Variants in ROBO2 observed in about 807,000 individuals in gnomAD.
ROBO2 encodes roundabout homolog 2.
In ROBO2, 53 loss-of-function variants were observed where a neutral mutation model predicts 160.8. That is an observed-to-expected ratio of 0.33 (90% confidence interval 0.26 to 0.41). The LOEUF (loss-of-function observed/expected upper bound fraction) is 0.41. Among genes scored for constraint, ROBO2 ranks in the 10% least tolerant of loss-of-function variants. The pLI is 1.00. For synonymous variants in ROBO2, 664 were observed against 611.7 expected (o/e 1.09, Z -1.26); for missense variants, 1,577 against 1,722.4 (o/e 0.92, Z 1.49).
intron 2 of ROBO2, among the ~76,000 whole-genome samples, chr3:76,125,967 C>T (rs1161247116): frequency 6.6e-6 from 1 of 152,060 alleles, no homozygotes; most frequent in Admixed American, 6.6e-5. Flanking sequence ...GCTGGGATGA[C>T]AGGCGCGTGC....
At chr3:76,379,968 G>A (rs2076536037) in intron 2 of ROBO2, among the ~76,000 whole-genome samples, 1 of 151,860 alleles carries the variant, frequency 6.6e-6, no homozygotes, top group South Asian at 2.1e-4. Flanking sequence ...TCATTTATGT[G>A]ACTTGCTTGA....
rs185751842 is a variant in ROBO2 at position 76,449,415 on chromosome 3, A to G, written c.109+511813A>G. ...AGCTTTCTAATGGGAAAGAGATGCT[A>G]ATCATGGGTGAATGTAAAGAAATAT... On this transcript the variant is annotated intron_variant, in intron 2 of 26. Transcript: ENST00000487694. 2.6e-3 allele frequency among the ~76,000 whole-genome samples: 403 copies of G among 152,194 alleles called. 1 individual carries two copies. The highest frequency in any genetic ancestry group is 9.5e-3 in the African/African-American group (396 of 41,528).
At chr3:76,941,275 A>T (rs2078169397) in intron 2 of ROBO2, among the ~76,000 whole-genome samples, 1 of 152,134 alleles carries the variant, frequency 6.6e-6, no homozygotes, top group Admixed American at 6.5e-5. Flanking sequence ...GTCCACTTGT[A>T]ATATTTTATT....
At chr3:77,058,448 G>T (rs1418829697) in intron 1 of ROBO2, among the ~76,000 whole-genome samples, 1 of 152,112 alleles carries the variant, frequency 6.6e-6, no homozygotes, top group African/African-American at 2.4e-5. Flanking sequence ...AAGATCTCAA[G>T]TGATATTTTC....
At chr3:76,862,537 G>C (rs1436682474) in intron 2 of ROBO2, among the ~76,000 whole-genome samples, 1 of 152,088 alleles carries the variant, frequency 6.6e-6, no homozygotes, top group Non-Finnish European at 1.5e-5. Flanking sequence ...GGACAAAGGG[G>C]TTATGATCTA....
At chr3:76,543,638 G>A (rs1025068084) in intron 2 of ROBO2, among the ~76,000 whole-genome samples, 4 of 151,932 alleles carry the variant, frequency 2.6e-5, no homozygotes, top group Admixed American at 1.3e-4. Flanking sequence ...CTGTGACCAC[G>A]GTTTTGATGT....
intron 2 of ROBO2, among the ~76,000 whole-genome samples, chr3:76,067,193 G>C (rs2068282820): frequency 6.6e-6 from 1 of 152,076 alleles, no homozygotes; most frequent in African/African-American, 2.4e-5. Flanking sequence ...CCAGTTATCT[G>C]ATTTTTCTAA....
At chr3:76,735,476 T>C (rs2324660) in intron 2 of ROBO2, among the ~76,000 whole-genome samples, 99,045 of 151,950 alleles carry the variant, frequency 0.65, 32,438 homozygotes, top group African/African-American at 0.72. Flanking sequence ...TAAAAACCTG[T>C]TGGGGCCAGG....
rs371464725 is a variant in ROBO2 at position 76,694,917 on chromosome 3, A to G, written c.110-403097A>G. Among the ~76,000 whole-genome samples the G allele has an allele frequency of 2.6e-5, 4 of 152,248 alleles. No homozygotes were observed. In the South Asian group the frequency reaches 8.3e-4, roughly 32 times the overall value. ...TCAGGAGTTCAAGACCAGCATGGCC[A>G]ACATGGTGAAACCCCATTTCTACTA... is the stretch of plus-strand genomic sequence containing the variant. On this transcript the variant is annotated intron_variant, in intron 2 of 26. Coordinates refer to the ROBO2 transcript ENST00000487694.
chr3:76,237,947 T>C (rs985772106), intron 2 of ROBO2, among the ~76,000 whole-genome samples: 2 of 152,172 alleles, frequency 1.3e-5, no homozygotes, highest in African/African-American at 4.8e-5. Context: ...AGCCTTTGTG[T>C]AGCTGGTGGG....
At chr3:76,326,453 T>A (rs1338683838) in intron 2 of ROBO2, among the ~76,000 whole-genome samples, 1 of 152,154 alleles carries the variant, frequency 6.6e-6, no homozygotes, top group East Asian at 1.9e-4. Context: ...TGTGTATACA[T>A]ACCATGTACA....
chr3:76,505,420 C>A (rs1177255119), intron 2 of ROBO2, among the ~76,000 whole-genome samples: 1 of 151,928 alleles, frequency 6.6e-6, no homozygotes, highest in Non-Finnish European at 1.5e-5. Context: ...CTGTGACCTC[C>A]AAGAGGGTAT....
intron 2 of ROBO2, among the ~76,000 whole-genome samples, chr3:76,906,981 G>A (rs2075647405): frequency 6.6e-6 from 1 of 152,096 alleles, no homozygotes; most frequent in Admixed American, 6.6e-5. Context: ...AAAGCCAACA[G>A]GTTTTCTTCC....
chr3:76,851,816 A>AGG (rs2069427603), intron 2 of ROBO2, among the ~76,000 whole-genome samples: 13 of 151,608 alleles, frequency 8.6e-5, no homozygotes, highest in Admixed American at 8.5e-4. Flanking sequence ...TTTCAACAGT[A>AGG]TGCATTAAAG....
At chr3:77,317,211 G>A in intron 2 of ROBO2, 1 of 830,016 alleles carries the variant, frequency 1.2e-6, no homozygotes, top group Non-Finnish European at 2.1e-6. Context: ...GCCCAGCAGT[G>A]TGGAAATCCA....
chr3:76,503,290 A>G (rs1328077618), intron 2 of ROBO2, among the ~76,000 whole-genome samples: 1 of 152,146 alleles, frequency 6.6e-6, no homozygotes, highest in Non-Finnish European at 1.5e-5. Context: ...GCCCACCAGA[A>G]TAACGGTGGA....
At chr3:76,738,188 G>A (rs907901812) in intron 2 of ROBO2, among the ~76,000 whole-genome samples, 1 of 151,938 alleles carries the variant, frequency 6.6e-6, no homozygotes, top group African/African-American at 2.4e-5. Context: ...AATATTTATT[G>A]CGTGCCTACT....
chr3:77,577,974 T>C (rs1395608839), intron 15 of ROBO2, among the ~76,000 whole-genome samples: 2 of 152,110 alleles, frequency 1.3e-5, no homozygotes, highest in Non-Finnish European at 2.9e-5. Context: ...TTAAGGCAGC[T>C]GTTTTTAAAC....
intron 2 of ROBO2, among the ~76,000 whole-genome samples, chr3:76,130,714 G>A (rs1205581605): frequency 6.6e-6 from 1 of 152,058 alleles, no homozygotes; most frequent in Non-Finnish European, 1.5e-5. Flanking sequence ...TCAATAGGAA[G>A]AGAATTATTG....
Sources: gnomAD v4.1 joint callset for allele counts (sites outside exome capture counted in the v4.1 genomes callset) on GRCh38, gnomAD v4.1.1 for gene constraint, MANE v1.5 for transcripts, NCBI Gene and HGNC (gene_info 2026-07-23, HGNC 2026-07-21) for gene names.